Variants in USP24 observed in about 807,000 individuals in gnomAD.
USP24 encodes the protein ubiquitin carboxyl-terminal hydrolase 24.
In USP24, 97 loss-of-function variants were observed where a neutral mutation model predicts 361.6. The observed-to-expected ratio is 0.27, with a 90% CI of 0.23 to 0.32. The LOEUF (loss-of-function observed/expected upper bound fraction) is 0.32, where lower values mean the gene tolerates loss of function less well. Ranked by LOEUF, USP24 falls within the 10% of genes least tolerant of loss-of-function variation. USP24 has a pLI of 1.00. For synonymous variants in USP24, 1,098 were observed against 1,124.6 expected (o/e 0.98, Z 0.47); for missense variants, 2,353 against 3,165.6 (o/e 0.74, Z 6.16).
chr1:55,129,238 A>G (rs997982684), intron 32 of USP24, among the ~76,000 whole-genome samples: 5 of 152,150 alleles, frequency 3.3e-5, no homozygotes, highest in African/African-American at 1.2e-4. Flanking sequence ...CTCTTCTTGA[A>G]AATTTCCCCC....
intron 1 of USP24, among the ~76,000 whole-genome samples, chr1:55,202,189 T>C (rs1277838290): frequency 2.0e-5 from 3 of 152,218 alleles, no homozygotes; most frequent in Non-Finnish European, 4.4e-5. Flanking sequence ...GTGTTATATT[T>C]TCAGTATATT....
chr1:55,120,480 G>T, intron 38 of USP24, 116 bp downstream of exon 38: 1 of 1,256,038 alleles, frequency 8.0e-7, no homozygotes, highest in Non-Finnish European at 1.1e-6. Context: ...AATTTCAGAA[G>T]AAGAAAGAAA....
chr1:55,082,881 A>G (rs1645178915), intron 58 of USP24, among the ~76,000 whole-genome samples: 1 of 152,202 alleles, frequency 6.6e-6, no homozygotes, highest in African/African-American at 2.4e-5. Flanking sequence ...CATTCAGTTT[A>G]TAACAGCACA....
intron 45 of USP24, 63 bp downstream of exon 45, chr1:55,099,708 A>C: frequency 6.8e-6 from 8 of 1,179,074 alleles, no homozygotes. Flanking sequence ...AAATGCTAAG[A>C]CACTATTCTC....
rs1646275984 is a variant in USP24 at position 55,121,382 on chromosome 1, C to T, written c.4347+54G>A. On this transcript the variant is annotated intron_variant, in intron 37 of 67. Coordinates refer to ENST00000294383, the MANE Select transcript of USP24 (RefSeq NM_015306.3). Reference sequence around the variant, plus strand: ...ACAATGTCACAGGTAGTTGAGACAGCTCACAAAACAACAGGACCAAAGGAG... The same window carrying T: ...ACAATGTCACAGGTAGTTGAGACAGTTCACAAAACAACAGGACCAAAGGAG... 5 of 1,527,816 alleles carry T rather than the reference C, an allele frequency of 3.3e-6. No individual in the cohort carries two copies. The Admixed American group carries it at 5.2e-5, about 16-fold the overall frequency. The allele number at this position is 1,527,816 out of a possible 1,614,324, so 94.6% of individuals were successfully genotyped here.
At chr1:55,126,660 A>G (rs1257533050) in intron 32 of USP24, among the ~76,000 whole-genome samples, 3 of 152,374 alleles carry the variant, frequency 2.0e-5, no homozygotes, top group South Asian at 2.1e-4. Context: ...GTTTGTACTA[A>G]AAACACCTCT....
At position 55,123,527 on chromosome 1, in the gene USP24, A is replaced by G; in HGVS notation, c.4196T>C (p.Val1399Ala). 6.2e-7 allele frequency: 1 copy of G among 1,603,938 alleles called. No individual in the cohort carries two copies. Residue 1399 changes from valine (V) to alanine (A), a missense_variant, in exon 36 of 68, where the codon GTA (valine) becomes GCA (alanine). By Grantham distance (64) the Val-to-Ala change is moderately conservative. Coordinates refer to ENST00000294383, the MANE Select transcript of USP24 (RefSeq NM_015306.3). The stretch of plus-strand genomic sequence containing the variant: ...CGCAATCAGCGAGTCTTTGGTGGAT[A>G]CAGACTGTTGTCGAACACAGATTCC... ...HAGICVRQQS[V>A]STKDSLIAGE...
At chr1:55,116,931 G>A (rs1646132533) in intron 38 of USP24, among the ~76,000 whole-genome samples, 1 of 152,108 alleles carries the variant, frequency 6.6e-6, no homozygotes, top group Admixed American at 6.5e-5. Flanking sequence ...GAATGCTAAT[G>A]CAAAAATCTT....
At chr1:55,144,034 T>G in intron 21 of USP24, 93 bp downstream of exon 21, 1 of 1,056,208 alleles carries the variant, frequency 9.5e-7, no homozygotes, top group Non-Finnish European at 1.3e-6. Flanking sequence ...AAAAAATCCA[T>G]GTTATCTCTC....
intron 3 of USP24, among the ~76,000 whole-genome samples, chr1:55,174,456 T>A (rs1449777436): frequency 6.6e-6 from 1 of 152,236 alleles, no homozygotes. Context: ...ATTTTTACTT[T>A]AACAAAACTG....
rs1448986921 is a variant in USP24, at chr1:55,156,493, GA to G, written c.1446+454del. Among the ~76,000 whole-genome samples the G allele has an allele frequency of 1.1e-4, 17 of 150,732 alleles. No individual in the cohort carries two copies. The East Asian group carries it at 2.9e-3, about 26-fold the overall frequency. On this transcript the variant is annotated intron_variant, in intron 12 of 67. Transcript: ENST00000294383. ...TAAAATGGACTATGACCAAAGTGAA[GA>G]AAAAAAAATTGAAGACTATGTTGGA...
rs540467668 is a variant in USP24, at chr1:55,214,867, GGCC to G, written c.244_246del (p.Gly82del). ...CCTCCGGTGCTCCCGCCGCGGGAGGGGCCGCCGCCGCCGCCGTCACCTCCGCCG... is the reference window on the plus strand; with the variant it reads ...CCTCCGGTGCTCCCGCCGCGGGAGGGGCCGCCGCCGCCGTCACCTCCGCCG... On this transcript the variant is annotated inframe_deletion, in exon 1 of 68. Coordinates refer to ENST00000294383, the MANE Select transcript of USP24 (RefSeq NM_015306.3). The G allele has an allele frequency of 7.0e-5, 85 of 1,219,656 alleles. No homozygotes were observed. Among genetic ancestry groups the G allele is most frequent in the Middle Eastern group, 5.5e-4 (2 of 3,616 alleles). 75.6% of individuals were successfully genotyped at this position (1,219,656 alleles called of 1,614,324 possible). A position where few individuals can be genotyped will look rare whatever the true frequency, so the allele number is the denominator to read the frequency against.
At chr1:55,144,034 T>C (rs1646962825) in intron 21 of USP24, 93 bp downstream of exon 21, 3 of 1,056,090 alleles carry the variant, frequency 2.8e-6, no homozygotes, top group African/African-American at 3.3e-5. Flanking sequence ...AAAAAATCCA[T>C]GTTATCTCTC....
rs770883640 is a variant in USP24, at chr1:55,097,714, T to C, written c.5599A>G (p.Ile1867Val). The C allele has an allele frequency of 1.3e-6, 2 of 1,537,702 alleles. No homozygotes were observed. The highest frequency in any genetic ancestry group is 2.5e-5 in the South Asian group (2 of 78,686). The stretch of plus-strand genomic sequence containing the variant: ...TTAATACAGGTCCTTTTCACTGTTA[T>C]TCTCTAAAGAAAAAAAAAAGGAAAA... The part of the protein sequence containing the change: ...YYCEKCKEKR[I>V]TVKRTCIKSL... Residue 1867 changes from isoleucine (I) to valine (V), a missense_variant, in exon 48 of 68, where the codon ATA becomes GTA. This residue lies in a region of USP24 where 105 missense variants were observed against 200.3 expected (regional missense o/e 0.52). Transcript: ENST00000294383.
intron 8 of USP24, 85 bp downstream of exon 8, chr1:55,162,114 C>A: frequency 8.0e-7 from 1 of 1,246,344 alleles, no homozygotes. Flanking sequence ...GATTAAAGAC[C>A]ACTCTGAATA....
intron 23 of USP24, among the ~76,000 whole-genome samples, 176 bp downstream of exon 23, chr1:55,142,566 T>C (rs1433630689): frequency 6.6e-6 from 1 of 152,078 alleles, no homozygotes; most frequent in Non-Finnish European, 1.5e-5. Flanking sequence ...TCCTATAGAG[T>C]ACACTTATAT....
chr1:55,125,016 T>A (rs1239851254), intron 34 of USP24, among the ~76,000 whole-genome samples: 1 of 152,172 alleles, frequency 6.6e-6, no homozygotes, highest in Non-Finnish European at 1.5e-5. Flanking sequence ...TCATCTGTTC[T>A]TCAAGGCCTA....
Position 55,123,569 on chromosome 1 carries a change from G to A in USP24, c.4154C>T (p.Pro1385Leu). 9 of 1,598,486 alleles carry A rather than the reference G, an allele frequency of 5.6e-6. No homozygotes were observed. Among genetic ancestry groups the A allele is most frequent in the Non-Finnish European group, 7.7e-6 (9 of 1,172,376 alleles). Reference sequence around the variant, plus strand: ...ACAGATTCCCGCATGCAGGGCTACTGGTTCTCCTTCACTTCCAGAGCTGCA... The same window carrying A: ...ACAGATTCCCGCATGCAGGGCTACTAGTTCTCCTTCACTTCCAGAGCTGCA... ...SNCSSGSEGE[P>L]VALHAGICVR... The change falls in exon 36 of 68, where the codon CCA becomes CTA. Residue 1385 changes from proline to leucine, a missense_variant. By Grantham distance (98) the Pro-to-Leu change is moderately conservative (BLOSUM62 -3). This residue lies in a region of USP24 where 949 missense variants were observed against 1,280.5 expected (regional missense o/e 0.74). Transcript: ENST00000294383.
At chr1:55,194,751 C>T (rs1307153147) in intron 1 of USP24, among the ~76,000 whole-genome samples, 4 of 152,170 alleles carry the variant, frequency 2.6e-5, no homozygotes, top group South Asian at 2.1e-4. Flanking sequence ...ACAAAGAACT[C>T]GGTTTCTGAC....
Sources: allele counts gnomAD v4.1 joint callset (sites outside exome capture counted in the v4.1 genomes callset), GRCh38; gene constraint gnomAD v4.1.1; regional missense constraint gnomAD v4.1.1; transcripts MANE v1.5; gene names NCBI Gene and HGNC (gene_info 2026-07-23, HGNC 2026-07-21).